Variants in RGS3 observed in about 807,000 individuals in gnomAD.
RGS3 encodes regulator of G-protein signalling 3.
A neutral mutation model predicts 132.6 loss-of-function variants in RGS3; 80 were observed. The ratio of observed to expected loss-of-function variants is 0.60; its 90% CI spans 0.50 to 0.73. RGS3 has a LOEUF of 0.73. RGS3 is among the 30% of genes least tolerant of loss of function. The pLI is 0.00. For synonymous variants in RGS3, 598 were observed against 620.6 expected (o/e 0.96, Z 0.54); for missense variants, 1,382 against 1,530.8 (o/e 0.90, Z 1.62).
intron 7 of RGS3, 21 bp from the exon 6 acceptor site, chr9:113,495,765 A>C: frequency 6.2e-7 from 1 of 1,612,720 alleles, no homozygotes; most frequent in Non-Finnish European, 8.5e-7. Flanking sequence ...ATGCTGACTC[A>C]AGTCTCACTT....
intron 7 of RGS3, among the ~76,000 whole-genome samples, chr9:113,489,069 T>C (rs1830426616): frequency 6.6e-6 from 1 of 152,256 alleles, no homozygotes. Flanking sequence ...TCTCATTTTA[T>C]CCTCATCATG....
In RGS3 at chr9:113,565,891, G is replaced by A. The variant is rs542474994; in HGVS notation, c.2038-17559G>A. On this transcript the variant is annotated intron_variant, in intron 19 of 24. Transcript: ENST00000350696. This position sits in a 1 kb window ranked among gnomAD's most constrained non-coding sequence, Gnocchi z 5.7. ...GAGATAGCTCTGTGTGTGTGTGTGT[G>A]TGTGTGTGTGTGTGTGTGTGTGTGT... is the stretch of plus-strand genomic sequence containing the variant. Among the ~76,000 whole-genome samples the A allele has an allele frequency of 6.8e-6, 1 of 147,772 alleles. No individual in the cohort carries two copies. Among genetic ancestry groups the A allele is most frequent in the South Asian group, 2.2e-4 (1 of 4,478 alleles).
intron 19 of RGS3, among the ~76,000 whole-genome samples, chr9:113,560,191 G>A (rs1325099829): frequency 6.6e-6 from 1 of 152,226 alleles, no homozygotes; most frequent in Non-Finnish European, 1.5e-5. Context: ...GGGAGGGGAG[G>A]AGTAGGGCTG....
chr9:113,542,801 T>A (rs894635614), intron 19 of RGS3, among the ~76,000 whole-genome samples: 3 of 152,236 alleles, frequency 2.0e-5, no homozygotes, highest in African/African-American at 7.2e-5. Context: ...CTGTGCTGTC[T>A]TTCTGTCCCA....
rs184478950 is a variant in RGS3 at position 113,461,689 on chromosome 9, C to T, written c.81-18C>T. 8.1e-5 allele frequency: 130 copies of T among 1,608,226 alleles called. No homozygotes were observed. The East Asian group carries it at 1.2e-3, about 15-fold the overall frequency. ...GGGTGTAAGTGCCCAGTGTGGGCCT[C>T]GGTCTTTTCTCTCCTAGGTCACATT... is the stretch of plus-strand genomic sequence containing the variant. On this transcript the variant is annotated intron_variant, in intron 1 of 24. Coordinates refer to ENST00000350696, the Ensembl canonical transcript of RGS3.
intron 10 of RGS3, among the ~76,000 whole-genome samples, chr9:113,500,508 C>T (rs1185713256): frequency 2.6e-5 from 4 of 152,074 alleles, no homozygotes; most frequent in Non-Finnish European, 5.9e-5. Flanking sequence ...GGTCCTAGCC[C>T]CACACTGCCC....
intron 7 of RGS3, among the ~76,000 whole-genome samples, chr9:113,488,985 G>A (rs1830424625): frequency 6.6e-6 from 1 of 152,192 alleles, no homozygotes; most frequent in Non-Finnish European, 1.5e-5. Context: ...TTATCAACAT[G>A]AAAGACAATT....
chr9:113,561,486 C>T (rs149539003), intron 19 of RGS3, among the ~76,000 whole-genome samples: 16 of 152,058 alleles, frequency 1.1e-4, no homozygotes, highest in Admixed American at 3.3e-4. Context: ...TATCACGGCT[C>T]ATTGCAGCCT....
At chr9:113,500,155 T>C (rs1021459241) in intron 10 of RGS3, among the ~76,000 whole-genome samples, 2 of 152,220 alleles carry the variant, frequency 1.3e-5, no homozygotes, top group Admixed American at 1.3e-4. Context: ...TGCACTGGAT[T>C]TTCCTGAACT....
At chr9:113,449,296 G>A (rs1298020923) in intron 1 of RGS3, among the ~76,000 whole-genome samples, 4 of 152,126 alleles carry the variant, frequency 2.6e-5, no homozygotes, top group Non-Finnish European at 4.4e-5. Context: ...ACCAGAACCC[G>A]GAAACCAGAA....
chr9:113,546,816 C>T (rs948717398), intron 19 of RGS3, among the ~76,000 whole-genome samples: 1 of 152,228 alleles, frequency 6.6e-6, no homozygotes, highest in Non-Finnish European at 1.5e-5. Context: ...TTGCGGGGCT[C>T]ACCTCTCACC....
intron 20 of RGS3, among the ~76,000 whole-genome samples, chr9:113,590,994 G>T (rs1835391370): frequency 6.6e-6 from 1 of 152,188 alleles, no homozygotes; most frequent in Admixed American, 6.5e-5. Context: ...GCAGGGATTG[G>T]CCTAGTGACA....
At chr9:113,523,878 G>A (rs979642377) in intron 17 of RGS3, among the ~76,000 whole-genome samples, 1 of 152,170 alleles carries the variant, frequency 6.6e-6, no homozygotes, top group Admixed American at 6.5e-5. Flanking sequence ...AAACTGTCCT[G>A]CCTGCTTAGT....
Position 113,490,999 on chromosome 9 carries a change from ATAAT to A in RGS3, c.690-4784_690-4781del, listed in dbSNP as rs756869267. Among the ~76,000 whole-genome samples the A allele has an allele frequency of 1.8e-4, 24 of 134,652 alleles. No individual in the cohort carries two copies. In the East Asian group the frequency reaches 4.3e-3, roughly 24 times the overall value. 88.3% of individuals were successfully genotyped at this position (134,652 alleles called of 152,430 possible). On this transcript the variant is annotated intron_variant, in intron 7 of 24. Coordinates refer to ENST00000350696, the Ensembl canonical transcript of RGS3. ...ACTTAATTATTATATATTGGTATAT[ATAAT>A]TATATGTAACGTAATTATTATATAT...
chr9:113,523,616 T>C (rs1262570621), intron 17 of RGS3, among the ~76,000 whole-genome samples: 5 of 151,966 alleles, frequency 3.3e-5, no homozygotes, highest in Non-Finnish European at 5.9e-5. Flanking sequence ...TGTGGGAGCG[T>C]GGAGGGAATT....
At chr9:113,497,153 C>T (rs991667717) in intron 8 of RGS3, among the ~76,000 whole-genome samples, 161 bp from the exon 7 acceptor site, 1 of 152,150 alleles carries the variant, frequency 6.6e-6, no homozygotes, top group African/African-American at 2.4e-5. Context: ...CGGAAGGCTT[C>T]CTGGAGGTGC....
intron 16 of RGS3, among the ~76,000 whole-genome samples, chr9:113,519,174 G>A (rs1457887712): frequency 6.6e-6 from 1 of 152,104 alleles, no homozygotes; most frequent in Non-Finnish European, 1.5e-5. Flanking sequence ...GATTCACTGG[G>A]ACCCAAGAGT....
intron 15 of RGS3, chr9:113,517,214 G>C: frequency 3.9e-6 from 2 of 511,544 alleles, no homozygotes; most frequent in Admixed American, 2.3e-5. Flanking sequence ...GGGCCCAGGA[G>C]CCCAGTGCAG....
At chr9:113,592,060 C>T (rs116555190) in intron 21 of RGS3, 2,180 of 152,580 alleles carry the variant, frequency 0.014, 58 homozygotes, top group African/African-American at 0.05. Context: ...AGAGGAAGCC[C>T]CTCCCCACCA....
Sources: allele counts gnomAD v4.1 joint callset (sites outside exome capture counted in the v4.1 genomes callset), GRCh38; gene constraint gnomAD v4.1.1; non-coding constraint Gnocchi (gnomAD v3.1); transcripts MANE v1.5; gene names NCBI Gene and HGNC (gene_info 2026-07-23, HGNC 2026-07-21).